Variants in PCSK5 observed in about 807,000 individuals in gnomAD.
PCSK5 encodes the protein prohormone convertase 5.
In PCSK5, 129 loss-of-function variants were observed where a neutral mutation model predicts 233.2. The ratio of observed to expected loss-of-function variants is 0.55; its 90% CI spans 0.48 to 0.64. PCSK5 has a LOEUF of 0.64. Ranked by LOEUF, PCSK5 falls within the 30% of genes least tolerant of loss-of-function variation. The pLI is 0.00. For missense variants in PCSK5, 2,076 were observed against 2,430.1 expected (o/e 0.85, Z 3.06); for synonymous variants, 825 against 879.2 (o/e 0.94, Z 1.09).
intron 2 of PCSK5, among the ~76,000 whole-genome samples, chr9:75,983,526 G>A (rs1826369253): frequency 6.6e-6 from 1 of 152,170 alleles, no homozygotes; most frequent in Non-Finnish European, 1.5e-5. Context: ...AGTAGAGGGA[G>A]GGAGTGTCCC....
chr9:75,946,342 G>A (rs938186292), intron 2 of PCSK5, among the ~76,000 whole-genome samples: 1 of 152,198 alleles, frequency 6.6e-6, no homozygotes, highest in African/African-American at 2.4e-5. Flanking sequence ...TTGGATTCTG[G>A]TCTCAGCTTT....
At chr9:76,102,073 C>T (rs1333730043) in intron 8 of PCSK5, among the ~76,000 whole-genome samples, 2 of 152,194 alleles carry the variant, frequency 1.3e-5, no homozygotes, top group Non-Finnish European at 2.9e-5. Context: ...GAAAAGGTCT[C>T]ATTTTAATGG....
chr9:76,109,698 A>G (rs944647528), intron 9 of PCSK5, among the ~76,000 whole-genome samples: 7 of 152,088 alleles, frequency 4.6e-5, no homozygotes, highest in South Asian at 4.2e-4. Context: ...TTAACAGTCC[A>G]CTCTAATTGT....
chr9:76,222,735 T>C (rs1024172086), intron 20 of PCSK5, among the ~76,000 whole-genome samples: 4 of 152,220 alleles, frequency 2.6e-5, no homozygotes, highest in Non-Finnish European at 5.9e-5. Flanking sequence ...TCTCAGTTGA[T>C]GGCCTCATAG....
intron 7 of PCSK5, among the ~76,000 whole-genome samples, chr9:76,087,214 G>A (rs749889090): frequency 2.6e-5 from 4 of 152,234 alleles, no homozygotes; most frequent in Non-Finnish European, 4.4e-5. Flanking sequence ...CCCTTATGAA[G>A]AAAGGGCATC....
At chr9:76,246,569 T>C (rs1190440040) in intron 24 of PCSK5, among the ~76,000 whole-genome samples, 2 of 152,134 alleles carry the variant, frequency 1.3e-5, no homozygotes, top group African/African-American at 4.8e-5. Flanking sequence ...ACAACACCCC[T>C]TCTAGGAATT....
intron 7 of PCSK5, among the ~76,000 whole-genome samples, chr9:76,090,242 C>A (rs1228838948): frequency 6.6e-6 from 1 of 152,106 alleles, no homozygotes; most frequent in Non-Finnish European, 1.5e-5. Flanking sequence ...CCCTGCACCC[C>A]ACATTAAGAT....
chr9:75,905,076 T>G (rs1826201938), intron 1 of PCSK5, among the ~76,000 whole-genome samples: 1 of 152,212 alleles, frequency 6.6e-6, no homozygotes, highest in South Asian at 2.1e-4. Flanking sequence ...TCATTCTGTT[T>G]ATATAAAATG....
chr9:75,903,034 G>T (rs1381579530), intron 1 of PCSK5, among the ~76,000 whole-genome samples: 1 of 152,146 alleles, frequency 6.6e-6, no homozygotes, highest in African/African-American at 2.4e-5. Context: ...AGCTTAGGTT[G>T]TCACATAGTC....
chr9:76,095,369 G>A (rs1265266873), intron 7 of PCSK5, among the ~76,000 whole-genome samples: 1 of 152,154 alleles, frequency 6.6e-6, no homozygotes, highest in African/African-American at 2.4e-5. Flanking sequence ...CCAATTCATG[G>A]CAGATTTGAA....
intron 17 of PCSK5, among the ~76,000 whole-genome samples, chr9:76,188,155 C>CAT (rs1287733620): frequency 6.6e-6 from 1 of 152,166 alleles, no homozygotes; most frequent in Non-Finnish European, 1.5e-5. Flanking sequence ...GTTCCTACTG[C>CAT]ATTTATAATC....
At chr9:76,269,388 G>A (rs150606694) in intron 24 of PCSK5, among the ~76,000 whole-genome samples, 29 of 152,176 alleles carry the variant, frequency 1.9e-4, no homozygotes, top group African/African-American at 6.3e-4. Context: ...GATATTCCTC[G>A]GGCTACCAAG....
chr9:76,292,938 A>G (rs1044576578), intron 25 of PCSK5, among the ~76,000 whole-genome samples: 13 of 152,230 alleles, frequency 8.5e-5, no homozygotes, highest in Admixed American at 1.3e-4. Context: ...CCTCCTAAGA[A>G]CTCAGGAGTT....
chr9:76,023,782 C>T lies in PCSK5; in HGVS notation c.456C>T (p.Ile152=), dbSNP rs771576413. ...NTHPCQSDMN[I]EGAWKRGYTG... is the part of the protein sequence containing the mutation. ...ATCCCTGCCAGTCTGACATGAATAT[C>T]GAAGGAGCCTGGAAGAGAGGCTACA... is the stretch of plus-strand genomic sequence containing the variant. The change falls in exon 4 of 38, where the codon ATC becomes ATT. Residue 152 remains isoleucine (I), a synonymous_variant. Transcript: ENST00000674117. The T allele has an allele frequency of 6.8e-6, 11 of 1,612,866 alleles. No homozygotes were observed. Among genetic ancestry groups the T allele is most frequent in the South Asian group, 3.3e-5 (3 of 90,912 alleles).
chr9:76,134,064 C>CTTT (rs376221586), intron 9 of PCSK5, 45 bp from the exon 10 acceptor site: 41 of 1,023,768 alleles, frequency 4.0e-5, no homozygotes, highest in South Asian at 1.8e-4. Flanking sequence ...CTTCCCCCAT[C>CTTT]TTTTTTTTTT....
intron 24 of PCSK5, 112 bp from the exon 25 acceptor site, chr9:76,292,121 T>C (rs779166857): frequency 5.8e-5 from 41 of 705,000 alleles, no homozygotes; most frequent in Non-Finnish European, 9.7e-5. Context: ...GACAGTACAT[T>C]TCATGAAACT....
intron 37 of PCSK5, among the ~76,000 whole-genome samples, chr9:76,355,190 T>C (rs1408908824): frequency 6.6e-6 from 1 of 152,002 alleles, no homozygotes; most frequent in African/African-American, 2.4e-5. Flanking sequence ...AAAAGAAACA[T>C]GGCCGGGCGC....
Position 76,309,676 on chromosome 9 carries a change from C to CA in PCSK5, c.3688+962dup, listed in dbSNP as rs781340914. 9.8e-3 allele frequency among the ~76,000 whole-genome samples: 1,120 copies of CA among 114,490 alleles called. 17 individuals carry two copies. Among genetic ancestry groups the CA allele is most frequent in the African/African-American group, 0.03 (936 of 30,932 alleles). 75.1% of individuals were successfully genotyped at this position (114,490 alleles called of 152,430 possible). On this transcript the variant is annotated intron_variant, in intron 29 of 37. Coordinates refer to ENST00000674117, the MANE Select transcript of PCSK5 (RefSeq NM_001372043.1). ...TGGATGACAGAGCAAGACGCTGCCT[C>CA]AAAAAAAAAAAAAAGAATGTTTACA...
intron 24 of PCSK5, among the ~76,000 whole-genome samples, chr9:76,286,089 A>G (rs1382570813): frequency 6.6e-6 from 1 of 152,204 alleles, no homozygotes; most frequent in African/African-American, 2.4e-5. Flanking sequence ...TATAAAATAC[A>G]ATATACCCAG....
Sources: gnomAD v4.1 joint callset for allele counts (sites outside exome capture counted in the v4.1 genomes callset) on GRCh38, gnomAD v4.1.1 for gene constraint, MANE v1.5 for transcripts, NCBI Gene and HGNC (gene_info 2026-07-23, HGNC 2026-07-21) for gene names.